The following PCDHGA1 variants were observed in gnomAD, a reference collection of about 807,000 sequenced individuals.
The protein encoded by PCDHGA1 is protocadherin gamma-A1.
A neutral mutation model predicts 58.0 loss-of-function variants in PCDHGA1; 32 were observed. That is an observed-to-expected ratio of 0.55 (90% CI 0.42 to 0.74). The LOEUF (loss-of-function observed/expected upper bound fraction) is 0.74, where lower values mean the gene tolerates loss of function less well. Among genes scored for constraint, PCDHGA1 ranks in the 30% least tolerant of loss-of-function variants. The pLI is 0.00. For synonymous variants in PCDHGA1, 498 were observed against 501.1 expected (o/e 0.99, Z 0.08); for missense variants, 1,205 against 1,182.3 (o/e 1.02, Z -0.28).
intron 1 of PCDHGA1, chr5:141,370,363 G>A: frequency 1.3e-6 from 2 of 1,518,634 alleles, no homozygotes; most frequent in South Asian, 1.3e-5. Context: ...TCCTCTCCTC[G>A]GATTTAGAAA....
At chr5:141,405,955 CCTG>C (rs1293666113) in intron 1 of PCDHGA1, among the ~76,000 whole-genome samples, 4 of 152,056 alleles carry the variant, frequency 2.6e-5, no homozygotes, top group African/African-American at 9.7e-5. Context: ...TAATAATTAA[CCTG>C]CTGTCAACGT....
intron 1 of PCDHGA1, chr5:141,419,406 C>A (rs367731612): frequency 1.9e-6 from 3 of 1,613,404 alleles, no homozygotes; most frequent in Non-Finnish European, 2.5e-6. Context: ...GTGGTGTTCG[C>A]GCAGCGCGCC....
chr5:141,480,607 C>T (rs2099522175), intron 1 of PCDHGA1, among the ~76,000 whole-genome samples: 1 of 145,670 alleles, frequency 6.9e-6, no homozygotes, highest in Admixed American at 6.8e-5. Context: ...GCCTGGAAAG[C>T]AACTGGCATT....
At position 141,344,750 on chromosome 5, in the gene PCDHGA1, A is replaced by G. The variant is rs1182419030; in HGVS notation, c.2421+11645A>G. ...TAGTCCTGGATGCAAATGACAACCC[A>G]CCAATGTTTACTCAGCCTGAGTACC... On this transcript the variant is annotated intron_variant, in intron 1 of 3. Coordinates refer to ENST00000517417, the MANE Select transcript of PCDHGA1 (RefSeq NM_018912.3). 3 of 1,613,744 alleles carry G rather than the reference A, an allele frequency of 1.9e-6. No individual in the cohort carries two copies. The East Asian group carries it at 6.7e-5, about 36-fold the overall frequency.
At chr5:141,361,866 G>A (rs1284566770) in intron 1 of PCDHGA1, 1 of 1,611,706 alleles carries the variant, frequency 6.2e-7, no homozygotes, top group East Asian at 2.2e-5. Flanking sequence ...TCTTCGATAT[G>A]GTGCCACGCG....
intron 1 of PCDHGA1, among the ~76,000 whole-genome samples, chr5:141,353,388 A>C (rs944998762): frequency 2.6e-5 from 4 of 152,252 alleles, no homozygotes; most frequent in Non-Finnish European, 5.9e-5. Flanking sequence ...TAATGTAATT[A>C]TGTAATTAAT....
Position 141,511,451 on chromosome 5 carries a change from A to G in PCDHGA1, c.*278A>G, listed in dbSNP as rs2099883797. On this transcript the variant is annotated 3_prime_UTR_variant, in exon 4 of 4. Coordinates refer to ENST00000517417, the MANE Select transcript of PCDHGA1 (RefSeq NM_018912.3). ...GGGGTTACTGTAGACACCAAGAACC[A>G]TTTGCCACACCCCGTTTAGTTACAG... is the stretch of plus-strand genomic sequence containing the variant. The G allele has an allele frequency of 4.9e-6, 3 of 606,372 alleles. No homozygotes were observed. Among genetic ancestry groups the G allele is most frequent in the Non-Finnish European group, 8.1e-6 (3 of 368,942 alleles). The allele number at this position is 606,372 out of a possible 1,614,324, so 37.6% of individuals were successfully genotyped here.
rs751567991 is a variant in PCDHGA1 at position 141,398,180 on chromosome 5, T to C, written c.2421+65075T>C. ...CGGGCTGAGAGGCTGCCAGTGCTCT[T>C]TCTCTTCCTGCTGTCTTTGTTCTGC... On this transcript the variant is annotated intron_variant, in intron 1 of 3. Coordinates refer to ENST00000517417, the MANE Select transcript of PCDHGA1 (RefSeq NM_018912.3). 3 of 1,473,764 alleles carry C rather than the reference T, an allele frequency of 2.0e-6. No individual in the cohort carries two copies. The African/African-American group carries it at 4.3e-5, about 21-fold the overall frequency. The allele number at this position is 1,473,764 out of a possible 1,614,324, so 91.3% of individuals were successfully genotyped here. A position where few individuals can be genotyped will look rare whatever the true frequency, so the allele number is the denominator to read the frequency against.
At chr5:141,428,021 C>G (rs1185050109) in intron 1 of PCDHGA1, 1 of 1,605,486 alleles carries the variant, frequency 6.2e-7, no homozygotes, top group Admixed American at 1.7e-5. Flanking sequence ...TGCCACGCGC[C>G]GCAGAGTCCG....
At chr5:141,409,729 G>A (rs781234442) in intron 1 of PCDHGA1, 161 of 1,612,966 alleles carry the variant, frequency 1.0e-4, no homozygotes, top group Non-Finnish European at 1.7e-6. Context: ...CAGTGAGCGC[G>A]CAGAGCGGGG....
At position 141,421,915 on chromosome 5, in the gene PCDHGA1, C is replaced by T. The variant is rs751221129; in HGVS notation, c.2422-72892C>T. ...CATCCGAAAGGGCGCAGTTCCCATT[C>T]GTGTGGTGGTCCTCGATGTAAATGA... is the stretch of plus-strand genomic sequence containing the variant. On this transcript the variant is annotated intron_variant, in intron 1 of 3. Transcript: ENST00000517417. 18 of 1,613,504 alleles carry T rather than the reference C, an allele frequency of 1.1e-5. No individual in the cohort carries two copies. The South Asian group carries it at 1.5e-4, about 14-fold the overall frequency.
At chr5:141,362,039 G>A (rs1434989183) in intron 1 of PCDHGA1, 1 of 1,610,428 alleles carries the variant, frequency 6.2e-7, no homozygotes, top group Admixed American at 1.7e-5. Flanking sequence ...TTGGGCGACA[G>A]GGACGCGGCC....
At chr5:141,350,122 C>A in intron 1 of PCDHGA1, 2 of 641,550 alleles carry the variant, frequency 3.1e-6, no homozygotes, top group South Asian at 4.8e-5. Flanking sequence ...GTCCGGTGCA[C>A]TGAGCACAGA....
intron 1 of PCDHGA1, among the ~76,000 whole-genome samples, chr5:141,364,017 G>C (rs535899523): frequency 1.3e-5 from 2 of 152,304 alleles, no homozygotes; most frequent in South Asian, 2.1e-4. Context: ...ACGCTACACA[G>C]TTAAACATTA....
intron 1 of PCDHGA1, chr5:141,393,145 A>G (rs2092690678): frequency 6.2e-7 from 1 of 1,613,324 alleles, no homozygotes; most frequent in Non-Finnish European, 8.5e-7. Context: ...ACCCTGGTTG[A>G]GGATAAAGGA....
At chr5:141,408,615 T>A in intron 1 of PCDHGA1, 1 of 1,613,940 alleles carries the variant, frequency 6.2e-7, no homozygotes, top group Non-Finnish European at 8.5e-7. Flanking sequence ...AAAAAGGAAA[T>A]ACATTTAGAA....
At chr5:141,352,318 T>C (rs1387178628) in intron 1 of PCDHGA1, 10 of 1,613,912 alleles carry the variant, frequency 6.2e-6, no homozygotes, top group Non-Finnish European at 8.5e-6. Context: ...AACTGCAGTT[T>C]TACCTGGTTG....
intron 1 of PCDHGA1, among the ~76,000 whole-genome samples, chr5:141,442,789 T>C (rs2098343347): frequency 6.6e-6 from 1 of 152,196 alleles, no homozygotes; most frequent in African/African-American, 2.4e-5. Flanking sequence ...ATTTTATAAT[T>C]TTACTTTGAT....
At chr5:141,484,872 G>T in intron 1 of PCDHGA1, 1 of 319,608 alleles carries the variant, frequency 3.1e-6, no homozygotes, top group Non-Finnish European at 5.8e-6. Context: ...GGAGCGTGGA[G>T]GATAGGGTGG....
Sources: allele counts gnomAD v4.1 joint callset (sites outside exome capture counted in the v4.1 genomes callset), GRCh38; gene constraint gnomAD v4.1.1; transcripts MANE v1.5; gene names NCBI Gene and HGNC (gene_info 2026-07-23, HGNC 2026-07-21).